The following PFKFB2 variants were observed in gnomAD, a reference collection of about 807,000 sequenced individuals.
The protein encoded by PFKFB2 is 6-phosphofructo-2-kinase/fructose-2,6-bisphosphatase 2.
A neutral mutation model predicts 68.0 loss-of-function variants in PFKFB2; 53 were observed. The observed-to-expected ratio is 0.78, with a 90% CI of 0.63 to 0.98. The LOEUF is 0.98. PFKFB2 is among the 50% of genes least tolerant of loss of function. PFKFB2 has a pLI of 0.00. For missense variants in PFKFB2, 451 were observed against 642.0 expected (o/e 0.70, Z 3.22); for synonymous variants, 222 against 227.6 (o/e 0.98, Z 0.22).
At chr1:207,038,250 T>C (rs1415176813) in intron 1 of PFKFB2, among the ~76,000 whole-genome samples, 1 of 152,212 alleles carries the variant, frequency 6.6e-6, no homozygotes, top group Non-Finnish European at 1.5e-5. Context: ...CAGCCCCTTA[T>C]TAGGTGTTAG....
At chr1:207,035,447 A>G (rs1682356975) in intron 1 of PFKFB2, among the ~76,000 whole-genome samples, 1 of 152,142 alleles carries the variant, frequency 6.6e-6, no homozygotes, top group Non-Finnish European at 1.5e-5. Flanking sequence ...TGAGCTCAGG[A>G]GTTGGAGACC....
chr1:207,076,616 G>T lies in PFKFB2; in HGVS notation c.*4245G>T. On this transcript the variant is annotated 3_prime_UTR_variant, in exon 15 of 15. Coordinates refer to ENST00000367080, the MANE Select transcript of PFKFB2 (RefSeq NM_006212.2). ...CTGTCCAGGAGACTGTCTCTAGTTG[G>T]ATCTCTGTGCTGACTGACTGACAGA... 2.8e-6 allele frequency: 1 copy of T among 355,426 alleles called. No individual in the cohort carries two copies. The highest frequency in any genetic ancestry group is 3.4e-6 in the Non-Finnish European group (1 of 293,540). The allele number at this position is 355,426 out of a possible 1,614,324, so 22.0% of individuals were successfully genotyped here. A position where few individuals can be genotyped will look rare whatever the true frequency, so the allele number is the denominator to read the frequency against.
At chr1:207,049,328 C>T, upstream of PFKFB2, 1 of 1,614,086 alleles carries the variant, frequency 6.2e-7, no homozygotes, top group Non-Finnish European at 8.5e-7. Context: ...CCAAAACGAT[C>T]AATTCTTACT....
At chr1:207,048,761 T>C (rs1682660148), upstream of PFKFB2, 1 of 438,690 alleles carries the variant, frequency 2.3e-6, no homozygotes, top group Admixed American at 4.0e-5. Flanking sequence ...TCAGTGTCAG[T>C]AGGTGGCAAG....
intron 2 of PFKFB2, among the ~76,000 whole-genome samples, chr1:207,056,895 C>T (rs1334456345): frequency 1.3e-5 from 2 of 152,180 alleles, no homozygotes; most frequent in Admixed American, 6.5e-5. Flanking sequence ...CACCTGGCAG[C>T]TTAGTGTTCA....
chr1:207,067,395 G>C, intron 8 of PFKFB2, 104 bp from the exon 9 acceptor site: 1 of 748,422 alleles, frequency 1.3e-6, no homozygotes, highest in South Asian at 1.8e-5. Context: ...AGGGGAGGAA[G>C]AGCAGCTGTG....
intron 10 of PFKFB2, among the ~76,000 whole-genome samples, chr1:207,069,075 C>T (rs190389935): frequency 6.6e-6 from 1 of 152,242 alleles, no homozygotes; most frequent in East Asian, 1.9e-4. Flanking sequence ...TCCTTCTACC[C>T]TTTTATTTTT....
At chr1:207,051,377 C>G (rs922134800), upstream of PFKFB2, among the ~76,000 whole-genome samples, 1 of 152,174 alleles carries the variant, frequency 6.6e-6, no homozygotes, top group Non-Finnish European at 1.5e-5. Flanking sequence ...GAAACAGAAT[C>G]ATAGTTCACA....
chr1:207,049,673 C>G (rs778483393), upstream of PFKFB2: 3 of 1,614,048 alleles, frequency 1.9e-6, no homozygotes, highest in African/African-American at 4.0e-5. Context: ...TTAGTAAATG[C>G]AGGTGAACTT....
chr1:207,072,151 G>C, intron 14 of PFKFB2, 53 bp from the exon 15 acceptor site: 1 of 1,597,702 alleles, frequency 6.3e-7, no homozygotes, highest in Non-Finnish European at 8.5e-7. Context: ...ACCTGTATGA[G>C]TGAGCTTTTG....
intron 1 of PFKFB2, among the ~76,000 whole-genome samples, chr1:207,035,641 A>C (rs1682360365): frequency 6.6e-6 from 1 of 151,944 alleles, no homozygotes; most frequent in African/African-American, 2.4e-5. Flanking sequence ...TGACAGAGCA[A>C]GACCCTGTCT....
intron 2 of PFKFB2, among the ~76,000 whole-genome samples, chr1:207,055,641 T>TTATATATATA (rs34590725): frequency 5.6e-4 from 82 of 147,664 alleles, no homozygotes; most frequent in African/African-American, 1.9e-3. Context: ...ACTTCAGTGG[T>TTATATATATA]TATATATATA....
rs1253741292 is a variant in PFKFB2, at chr1:207,075,927, T to G, written c.*3556T>G. 3 of 985,154 alleles carry G rather than the reference T, an allele frequency of 3.0e-6. No individual in the cohort carries two copies. Among genetic ancestry groups the G allele is most frequent in the Non-Finnish European group, 3.6e-6 (3 of 829,788 alleles). 61.0% of individuals were successfully genotyped at this position (985,154 alleles called of 1,614,324 possible). A position where few individuals can be genotyped will look rare whatever the true frequency, so the allele number is the denominator to read the frequency against. On this transcript the variant is annotated 3_prime_UTR_variant, in exon 15 of 15. Transcript: ENST00000367080. ...ATTTAGCTCTTATCTGTATTGTTGT[T>G]TTGTTTTGGTAAAGGGATGATTTTT...
At chr1:207,062,989 T>C (rs1683162969) in intron 4 of PFKFB2, among the ~76,000 whole-genome samples, 154 bp from the exon 5 acceptor site, 1 of 152,124 alleles carries the variant, frequency 6.6e-6, no homozygotes, top group East Asian at 1.9e-4. Flanking sequence ...GTGAAAACCC[T>C]CAGTGAGAAA....
chr1:207,071,554 C>T lies in PFKFB2; in HGVS notation c.1331C>T (p.Thr444Met). 1 of 1,613,420 alleles carries T rather than the reference C, an allele frequency of 6.2e-7. No individual in the cohort carries two copies. Among genetic ancestry groups the T allele is most frequent in the Non-Finnish European group, 8.5e-7 (1 of 1,179,376 alleles). ...TIKLNVEAVNTHRDKPTNNFP... is the reference protein window; with the variant it reads ...TIKLNVEAVNMHRDKPTNNFP... ...AAACTTAACGTGGAGGCTGTGAACACGCACCGTGACAAGCCAACTGTAAGT... is the reference window on the plus strand; with the variant it reads ...AAACTTAACGTGGAGGCTGTGAACATGCACCGTGACAAGCCAACTGTAAGT... The change falls in exon 14 of 15, where the codon ACG becomes ATG. Residue 444 changes from threonine (T) to methionine (M), a missense_variant. By Grantham distance (81) the Thr-to-Met change is moderately conservative (BLOSUM62 -1). Transcript: ENST00000367080.
In PFKFB2 at chr1:207,065,014, T is replaced by A. The variant is rs749794615; in HGVS notation, c.508-22T>A. ...TACGGGCAGACCTCTGATGAGGCCTTTACTGGTTCCTATGATTTCAGGAGG... is the reference window on the plus strand; with the variant it reads ...TACGGGCAGACCTCTGATGAGGCCTATACTGGTTCCTATGATTTCAGGAGG... On this transcript the variant is annotated intron_variant, in intron 7 of 14. Transcript: ENST00000367080. 5 of 1,612,872 alleles carry A rather than the reference T, an allele frequency of 3.1e-6. No individual in the cohort carries two copies. The South Asian group carries it at 4.4e-5, about 14-fold the overall frequency.
At chr1:207,055,659 A>G (rs1434499020) in intron 2 of PFKFB2, among the ~76,000 whole-genome samples, 2 of 151,944 alleles carry the variant, frequency 1.3e-5, no homozygotes, top group African/African-American at 2.4e-5. Context: ...ATATATATAT[A>G]TATAGCCAGT....
Position 207,073,893 on chromosome 1 carries a change from C to G in PFKFB2, c.*1522C>G, listed in dbSNP as rs928054789. ...GATTTTAAAAAGAGATAGGTGACTC[C>G]CCACCTTAAAGTTATCTGCTGGTCT... On this transcript the variant is annotated 3_prime_UTR_variant, in exon 15 of 15. Coordinates refer to ENST00000367080, the MANE Select transcript of PFKFB2 (RefSeq NM_006212.2). 1.0e-6 allele frequency: 1 copy of G among 984,440 alleles called. No homozygotes were observed. Among genetic ancestry groups the G allele is most frequent in the Admixed American group, 6.2e-5 (1 of 16,250 alleles). 61.0% of individuals were successfully genotyped at this position (984,440 alleles called of 1,614,324 possible). A position where few individuals can be genotyped will look rare whatever the true frequency, so the allele number is the denominator to read the frequency against.
Position 207,067,538 on chromosome 1 carries a change from A to G in PFKFB2, c.672A>G (p.Arg224=). ...TCAAGGTGATAAACGTGGGCCAGCG[A>G]TTTTTAGTCAACAGAGTCCAGGACT... ...SFIKVINVGQ[R]FLVNRVQDYI... The change falls in exon 9 of 15, where the codon CGA becomes CGG. Residue 224 remains arginine, a synonymous_variant. Transcript: ENST00000367080. The G allele has an allele frequency of 1.2e-6, 2 of 1,613,750 alleles. No individual in the cohort carries two copies. Among genetic ancestry groups the G allele is most frequent in the East Asian group, 4.5e-5 (2 of 44,862 alleles).
Sources: gnomAD v4.1 joint callset for allele counts (sites outside exome capture counted in the v4.1 genomes callset) on GRCh38, gnomAD v4.1.1 for gene constraint, MANE v1.5 for transcripts, NCBI Gene and HGNC (gene_info 2026-07-23, HGNC 2026-07-21) for gene names.